The following DCLK1 variants were observed in gnomAD, a reference collection of about 807,000 sequenced individuals.
DCLK1 encodes doublecortin like kinase 1, also known as serine/threonine-protein kinase DCLK1.
A neutral mutation model predicts 86.2 loss-of-function variants in DCLK1; 16 were observed. The ratio of observed to expected loss-of-function variants is 0.19; its 90% CI spans 0.13 to 0.28. The LOEUF is 0.28. Ranked by LOEUF, DCLK1 falls within the 10% of genes least tolerant of loss-of-function variation. DCLK1 has a pLI of 1.00. For synonymous variants in DCLK1, 369 were observed against 370.5 expected (o/e 1.00, Z 0.05); for missense variants, 590 against 940.2 (o/e 0.63, Z 4.87).
intron 16 of DCLK1, among the ~76,000 whole-genome samples, chr13:35,780,759 C>A (rs1593581598): frequency 6.6e-6 from 1 of 152,232 alleles, no homozygotes; most frequent in Non-Finnish European, 1.5e-5. Context: ...GATGCTAGAT[C>A]AAGTGTGAAA....
intron 4 of DCLK1, among the ~76,000 whole-genome samples, chr13:35,908,920 G>C (rs1874837582): frequency 6.6e-6 from 1 of 152,162 alleles, no homozygotes; most frequent in Admixed American, 6.5e-5. Flanking sequence ...ACAGGTGTGA[G>C]CCACCACATC....
chr13:35,901,764 A>G (rs1273531060), intron 4 of DCLK1, among the ~76,000 whole-genome samples: 1 of 152,142 alleles, frequency 6.6e-6, no homozygotes, highest in East Asian at 1.9e-4. Flanking sequence ...GGAAGTCCTG[A>G]GGATGCTGCC....
At chr13:35,996,348 C>A (rs775283562) in intron 3 of DCLK1, among the ~76,000 whole-genome samples, 1 of 152,228 alleles carries the variant, frequency 6.6e-6, no homozygotes, top group Non-Finnish European at 1.5e-5. Context: ...ATGTGCAATG[C>A]CCATTCCCAC....
chr13:35,925,383 T>C (rs1876056217), intron 4 of DCLK1, among the ~76,000 whole-genome samples: 1 of 152,198 alleles, frequency 6.6e-6, no homozygotes, highest in South Asian at 2.1e-4. Context: ...AGAAATTATA[T>C]AATTAGCAGC....
intron 3 of DCLK1, among the ~76,000 whole-genome samples, chr13:36,105,436 T>G (rs1885357128): frequency 6.6e-6 from 1 of 152,164 alleles, no homozygotes; most frequent in Non-Finnish European, 1.5e-5. Flanking sequence ...CATGACAACT[T>G]ATAGAGCAGG....
In DCLK1 at chr13:35,770,620, A is replaced by C. The variant is rs1296756177; in HGVS notation, c.*3915T>G. On this transcript the variant is annotated 3_prime_UTR_variant, in exon 17 of 17. Transcript: ENST00000360631. ...TTCAAGTCTTTTAAAATCTTTGGGC[A>C]AAAAAAAATATCATGTAGCAGTTAA... The C allele has an allele frequency of 2.1e-5, 3 of 145,304 alleles. No individual in the cohort carries two copies. The highest frequency in any genetic ancestry group is 7.3e-5 in the African/African-American group (3 of 40,866). 9.0% of individuals were successfully genotyped at this position (145,304 alleles called of 1,614,324 possible). A position where few individuals can be genotyped will look rare whatever the true frequency, so the allele number is the denominator to read the frequency against.
intron 2 of DCLK1, among the ~76,000 whole-genome samples, chr13:36,122,727 A>C (rs1360715489): frequency 6.6e-6 from 1 of 152,188 alleles, no homozygotes; most frequent in African/African-American, 2.4e-5. Flanking sequence ...AAACATATTA[A>C]GGCCATTTTG....
intron 3 of DCLK1, among the ~76,000 whole-genome samples, chr13:35,968,261 G>A (rs1261304078): frequency 6.6e-6 from 1 of 152,172 alleles, no homozygotes; most frequent in Non-Finnish European, 1.5e-5. Flanking sequence ...AGTGTTTAAT[G>A]AGTCTGCAGC....
At chr13:36,086,244 G>A (rs1271809919) in intron 3 of DCLK1, among the ~76,000 whole-genome samples, 1 of 152,050 alleles carries the variant, frequency 6.6e-6, no homozygotes, top group East Asian at 1.9e-4. Context: ...AATGTCAGGA[G>A]CTGTTTCTGT....
intron 3 of DCLK1, among the ~76,000 whole-genome samples, chr13:36,092,550 G>A (rs1417578734): frequency 7.5e-6 from 1 of 133,056 alleles, no homozygotes; most frequent in African/African-American, 2.8e-5. Context: ...GCAGTGGCGG[G>A]ATCTCGGCTC....
chr13:35,944,992 C>T (rs537441414), intron 4 of DCLK1, among the ~76,000 whole-genome samples: 23 of 152,272 alleles, frequency 1.5e-4, no homozygotes, highest in African/African-American at 4.6e-4. Context: ...ACCTCCGCCT[C>T]CCAGGCTCAA....
In DCLK1 at chr13:35,899,338, AGTGT is replaced by A. The variant is rs755180041; in HGVS notation, c.824-28002_824-27999del. On this transcript the variant is annotated intron_variant, in intron 4 of 16. Transcript: ENST00000360631. Reference sequence around the variant, plus strand: ...TAAGTATGTGTCAACGAGAAATACAAGTGTGTGTGTGTGTGTGTGTGTGTGTGTG... The same window carrying A: ...TAAGTATGTGTCAACGAGAAATACAAGTGTGTGTGTGTGTGTGTGTGTGTG... Among the ~76,000 whole-genome samples, 9 of 143,930 alleles carry A rather than the reference AGTGT, an allele frequency of 6.3e-5. No individual in the cohort carries two copies. In the South Asian group the frequency reaches 1.9e-3, roughly 30 times the overall value. 94.4% of individuals were successfully genotyped at this position (143,930 alleles called of 152,430 possible).
At chr13:35,792,027 C>A (rs2086715404) in intron 16 of DCLK1, among the ~76,000 whole-genome samples, 1 of 152,160 alleles carries the variant, frequency 6.6e-6, no homozygotes, top group African/African-American at 2.4e-5. Context: ...GAACACTGAC[C>A]ATCTATGGAA....
chr13:36,066,139 T>C (rs1883744431), intron 3 of DCLK1, among the ~76,000 whole-genome samples: 1 of 152,170 alleles, frequency 6.6e-6, no homozygotes, highest in Admixed American at 6.5e-5. Context: ...CATTTGCACC[T>C]CAAATAACCC....
intron 3 of DCLK1, among the ~76,000 whole-genome samples, chr13:35,962,372 G>A (rs1254547620): frequency 1.3e-5 from 2 of 152,194 alleles, no homozygotes; most frequent in Non-Finnish European, 2.9e-5. Context: ...TATAAAGGCA[G>A]AGGTTGGAAG....
chr13:35,998,229 C>T (rs571897483), intron 3 of DCLK1, among the ~76,000 whole-genome samples: 12 of 152,020 alleles, frequency 7.9e-5, no homozygotes, highest in African/African-American at 1.2e-4. Flanking sequence ...TACAAAACTA[C>T]GACACAATAC....
chr13:35,942,203 G>A (rs1308536634), intron 4 of DCLK1, among the ~76,000 whole-genome samples: 1 of 151,716 alleles, frequency 6.6e-6, no homozygotes, highest in Non-Finnish European at 1.5e-5. Context: ...GTCTTGATCT[G>A]TTGCCTAGGC....
chr13:35,965,689 G>C (rs1593775311), intron 3 of DCLK1, among the ~76,000 whole-genome samples: 1 of 152,070 alleles, frequency 6.6e-6, no homozygotes, highest in African/African-American at 2.4e-5. Context: ...AGACTGACTG[G>C]AAGCCACTGA....
chr13:35,837,497 C>G (rs1869471917), intron 7 of DCLK1, among the ~76,000 whole-genome samples: 1 of 152,140 alleles, frequency 6.6e-6, no homozygotes, highest in Non-Finnish European at 1.5e-5. Context: ...GTTTGAAGGA[C>G]TCAGCCAGGG....
Sources: allele counts gnomAD v4.1 joint callset (sites outside exome capture counted in the v4.1 genomes callset), GRCh38; gene constraint gnomAD v4.1.1; transcripts MANE v1.5; gene names NCBI Gene and HGNC (gene_info 2026-07-23, HGNC 2026-07-21).